Variants in NLRC3 observed in about 807,000 individuals in gnomAD.
NLRC3 encodes NLR family CARD domain containing 3.
NLRC3 carries 87 observed loss-of-function variants against 91.6 expected under a neutral mutation model. The ratio of observed to expected loss-of-function variants is 0.95; its 90% CI spans 0.80 to 1.14. The LOEUF (loss-of-function observed/expected upper bound fraction) is 1.14. Ranked by LOEUF, NLRC3 falls within the 50% of genes most tolerant of loss-of-function variation. NLRC3 has a pLI of 0.00. For synonymous variants in NLRC3, 694 were observed against 625.3 expected, an observed-to-expected ratio of 1.11 and a Z score of -1.64; for missense variants, 1,577 against 1,418.6, an observed-to-expected ratio of 1.11 and a Z score of -1.79.
intron 19 of NLRC3, 117 bp from the exon 20 acceptor site, chr16:3,542,032 C>A (rs368227416): frequency 1.2e-5 from 10 of 802,348 alleles, no homozygotes; most frequent in Non-Finnish European, 1.9e-5. Flanking sequence ...AGGATCCCCT[C>A]GCTACATGGA....
At position 3,554,330 on chromosome 16, in the gene NLRC3, A is replaced by C; in HGVS notation, c.2184-5T>G. 2.5e-6 allele frequency: 4 copies of C among 1,608,482 alleles called. No individual in the cohort carries two copies. The highest frequency in any genetic ancestry group is 3.4e-6 in the Non-Finnish European group (4 of 1,175,100). On this transcript the variant is annotated splice_region_variant and splice_polypyrimidine_tract_variant and intron_variant, in intron 8 of 19. Transcript: ENST00000359128. ...CTAACGGTGTTGCCCTGGAGGCTGC[A>C]GAGACAAGAAGAGGCTCATCACTGA... is the stretch of plus-strand genomic sequence containing the variant.
At chr16:3,572,362 T>C (rs2040128958) in intron 1 of NLRC3, among the ~76,000 whole-genome samples, 1 of 151,964 alleles carries the variant, frequency 6.6e-6, no homozygotes, top group Non-Finnish European at 1.5e-5. Flanking sequence ...TGCAGTGGCA[T>C]GATCAGGGTT....
chr16:3,549,293 G>A (rs1206701153), intron 12 of NLRC3, 68 bp from the exon 13 acceptor site: 1 of 1,168,798 alleles, frequency 8.6e-7, no homozygotes, highest in African/African-American at 1.5e-5. Context: ...CCAAGCCCAG[G>A]TGTTTAGGCT....
In NLRC3 at chr16:3,556,825, C is replaced by A. The variant is rs770594547; in HGVS notation, c.2183+86G>T. ...GCCCCATGCCTGCCATTGTGAATCACCTCCCATTCTCATAGGTGGTGCCTG... is the reference window on the plus strand; with the variant it reads ...GCCCCATGCCTGCCATTGTGAATCAACTCCCATTCTCATAGGTGGTGCCTG... On this transcript the variant is annotated intron_variant, in intron 8 of 19. Transcript: ENST00000359128. 6 of 883,664 alleles carry A rather than the reference C, an allele frequency of 6.8e-6. No homozygotes were observed. In the African/African-American group the frequency reaches 9.9e-5, roughly 15 times the overall value. The allele number at this position is 883,664 out of a possible 1,614,324, so 54.7% of individuals were successfully genotyped here.
At position 3,564,943 on chromosome 16, in the gene NLRC3, G is replaced by A; in HGVS notation, c.94C>T (p.Leu32=). 1 of 1,610,684 alleles carries A rather than the reference G, an allele frequency of 6.2e-7. No homozygotes were observed. ...AEQVKALMDL[L]AGKGSQGSQA... ...GAGCCTTGACTGCCCTTCCCAGCCAGCAGATCCATGAGGGCTTTCACCTGC... is the reference window on the plus strand; with the variant it reads ...GAGCCTTGACTGCCCTTCCCAGCCAACAGATCCATGAGGGCTTTCACCTGC... Residue 32 remains leucine, a synonymous_variant, in exon 4 of 20, where the codon CTG becomes TTG. Transcript: ENST00000359128. The surrounding 1 kb of genome is among the most constrained non-coding windows in gnomAD (Gnocchi z 5.9).
At position 3,557,018 on chromosome 16, in the gene NLRC3, C is replaced by T. The variant is rs1296346408; in HGVS notation, c.2100-24G>A. ...GGCTGAAGGAAGAGAGAAAGAGACA[C>T]CTCCTTCATCTGTCTCCCAGAGAGG... On this transcript the variant is annotated intron_variant, in intron 7 of 19. Transcript: ENST00000359128. 3.3e-6 allele frequency: 5 copies of T among 1,513,498 alleles called. No individual in the cohort carries two copies. In the South Asian group the frequency reaches 3.4e-5, roughly 10 times the overall value. The allele number at this position is 1,513,498 out of a possible 1,614,324, so 93.8% of individuals were successfully genotyped here.
chr16:3,558,790 T>C (rs2039474446), intron 6 of NLRC3, among the ~76,000 whole-genome samples: 1 of 152,130 alleles, frequency 6.6e-6, no homozygotes, highest in East Asian at 1.9e-4. Context: ...TTTTTCTTTT[T>C]TCAGACAGGA....
Position 3,543,471 on chromosome 16 carries a change from C to G in NLRC3, c.2893G>C (p.Val965Leu). Residue 965 changes from valine (V) to leucine (L), a missense_variant, in exon 17 of 20, where the codon GTG (valine) becomes CTG (leucine). By Grantham distance (32) the Val-to-Leu change is conservative. Transcript: ENST00000359128. ...TTCACAGCCAAGGCTTCCCCTAGCA[C>G]CTGGGCGCCTGAAGCACCAATTGAG... is the stretch of plus-strand genomic sequence containing the variant. ...VASIGASGAQ[V>L]LGEALAVNRT... 1 of 1,613,336 alleles carries G rather than the reference C, an allele frequency of 6.2e-7. No individual in the cohort carries two copies. Among genetic ancestry groups the G allele is most frequent in the African/African-American group, 1.3e-5 (1 of 75,058 alleles).
At chr16:3,548,784 CG>C in intron 13 of NLRC3, 31 bp from the exon 14 acceptor site, 6 of 1,500,386 alleles carry the variant, frequency 4.0e-6, no homozygotes, top group Non-Finnish European at 5.5e-6. Context: ...GCAAGTGAGC[CG>C]GGGGCCGGCT....
intron 11 of NLRC3, 76 bp from the exon 12 acceptor site, chr16:3,549,856 GC>G (rs983357376): frequency 9.8e-7 from 1 of 1,017,978 alleles, no homozygotes; most frequent in Non-Finnish European, 1.5e-6. Context: ...GTCTGGGACA[GC>G]AGGCACTGGG....
chr16:3,559,139 T>C (rs1029039407), intron 6 of NLRC3, among the ~76,000 whole-genome samples: 1 of 152,176 alleles, frequency 6.6e-6, no homozygotes, highest in Non-Finnish European at 1.5e-5. Flanking sequence ...CTAAATTCCT[T>C]TTCAGAGAAC....
intron 6 of NLRC3, among the ~76,000 whole-genome samples, chr16:3,558,751 C>G (rs1172937279): frequency 6.6e-6 from 1 of 152,030 alleles, no homozygotes; most frequent in Non-Finnish European, 1.5e-5. Flanking sequence ...TATAGTAGTT[C>G]AATTAGAATC....
chr16:3,555,249 G>C (rs1454617980), intron 8 of NLRC3, among the ~76,000 whole-genome samples: 1 of 139,496 alleles, frequency 7.2e-6, no homozygotes, highest in Middle Eastern at 3.7e-3. Context: ...AAAAAAAAAA[G>C]TTAAAATAAA....
intron 11 of NLRC3, 121 bp downstream of exon 11, chr16:3,550,293 G>A (rs986936547): frequency 1.2e-4 from 81 of 658,896 alleles, no homozygotes; most frequent in Non-Finnish European, 1.9e-4. Flanking sequence ...GACAGTGTGT[G>A]CCCAGGGTTA....
chr16:3,567,014 T>TG (rs889532015), intron 2 of NLRC3, among the ~76,000 whole-genome samples: 4 of 152,200 alleles, frequency 2.6e-5, no homozygotes, highest in African/African-American at 9.6e-5. Flanking sequence ...ACTATGTTCC[T>TG]GGGGTCTCCT....
At chr16:3,569,387 TATA>T (rs1567153843) in intron 1 of NLRC3, among the ~76,000 whole-genome samples, 6 of 109,108 alleles carry the variant, frequency 5.5e-5, no homozygotes, top group South Asian at 2.7e-4. Flanking sequence ...TATATATATA[TATA>T]TATATTATTT....
At chr16:3,557,571 G>A (rs763630152) in intron 7 of NLRC3, 22 bp downstream of exon 7, 91 of 1,538,792 alleles carry the variant, frequency 5.9e-5, no homozygotes, top group Middle Eastern at 1.7e-4. Context: ...GCAAAAGTTC[G>A]GCCTTGGTTG....
chr16:3,563,424 C>T lies in NLRC3; in HGVS notation c.1513G>A (p.Ala505Thr). The change falls in exon 5 of 20, where the codon GCA becomes ACA. Residue 505 changes from alanine (A) to threonine (T), a missense_variant. By Grantham distance (58) the Ala-to-Thr change is moderately conservative (BLOSUM62 0). Coordinates refer to ENST00000359128, the MANE Select transcript of NLRC3 (RefSeq NM_178844.4). ...AACACGTCCAGCCTCCCGTCCTCTG[C>T]CTGCATGGCCCGCTGGGCTGCGCTC... ...FRSAAQRAMQ[A>T]EDGRLDVFLR... 2 of 1,575,094 alleles carry T rather than the reference C, an allele frequency of 1.3e-6. No individual in the cohort carries two copies. The highest frequency in any genetic ancestry group is 1.2e-5 in the South Asian group (1 of 86,152).
chr16:3,562,497 C>T (rs1391914033), intron 5 of NLRC3, among the ~76,000 whole-genome samples: 2 of 152,076 alleles, frequency 1.3e-5, no homozygotes, highest in African/African-American at 4.8e-5. Context: ...AAAAATTAGC[C>T]AGGCATGATG....
Sources: allele counts gnomAD v4.1 joint callset (sites outside exome capture counted in the v4.1 genomes callset), GRCh38; gene constraint gnomAD v4.1.1; non-coding constraint Gnocchi (gnomAD v3.1); transcripts MANE v1.5; gene names NCBI Gene and HGNC (gene_info 2026-07-23, HGNC 2026-07-21).